The following KLHL3 variants were observed in gnomAD, a reference collection of about 807,000 sequenced individuals.
The protein encoded by KLHL3 is kelch like family member 3, also known as kelch-like protein 3.
Under a neutral mutation model 70.5 loss-of-function variants are expected in KLHL3, and 19 were observed. The ratio of observed to expected loss-of-function variants is 0.27; its 90% CI spans 0.19 to 0.40. The LOEUF (loss-of-function observed/expected upper bound fraction) is 0.40. Among genes scored for constraint, KLHL3 ranks in the 10% least tolerant of loss-of-function variants. The pLI, the probability that KLHL3 is intolerant of heterozygous loss-of-function variation, is 1.00. For missense variants in KLHL3, 512 were observed against 771.1 expected (o/e 0.66, Z 3.98); for synonymous variants, 258 against 290.3 (o/e 0.89, Z 1.13).
chr5:137,704,096 G>A (rs865883181), intron 3 of KLHL3, among the ~76,000 whole-genome samples: 5 of 152,114 alleles, frequency 3.3e-5, no homozygotes, highest in Admixed American at 6.5e-5. Flanking sequence ...AATTCTCCAC[G>A]CACCTATGCA....
chr5:137,652,356 T>C (rs1259793896), intron 8 of KLHL3, among the ~76,000 whole-genome samples: 2 of 152,206 alleles, frequency 1.3e-5, no homozygotes, highest in Non-Finnish European at 2.9e-5. Flanking sequence ...CAGAGAGATA[T>C]CTACTCTTGT....
At chr5:137,644,368 C>A (rs1750990847) in intron 8 of KLHL3, among the ~76,000 whole-genome samples, 1 of 152,172 alleles carries the variant, frequency 6.6e-6, no homozygotes. Flanking sequence ...CTGTGCCCGG[C>A]CTTTTTATAG....
chr5:137,630,486 C>T (rs1030215672), intron 12 of KLHL3, among the ~76,000 whole-genome samples: 6 of 152,166 alleles, frequency 3.9e-5, no homozygotes, highest in African/African-American at 1.4e-4. Flanking sequence ...GCTGCCTCCC[C>T]AGGCTTTCGG....
chr5:137,690,326 CAA>C (rs35864411), intron 5 of KLHL3, among the ~76,000 whole-genome samples: 109,503 of 140,530 alleles, frequency 0.78, 42,205 homozygotes, highest in East Asian at 0.98. Context: ...GACTCCATCT[CAA>C]AAAAAAAAAA....
chr5:137,733,662 C>T (rs959543270), intron 1 of KLHL3, among the ~76,000 whole-genome samples: 1 of 152,124 alleles, frequency 6.6e-6, no homozygotes, highest in Non-Finnish European at 1.5e-5. Context: ...TTTAGAATAA[C>T]CTTGATAGAT....
intron 7 of KLHL3, 26 bp from the exon 8 acceptor site, chr5:137,658,306 C>A: frequency 6.2e-7 from 1 of 1,612,850 alleles, no homozygotes; most frequent in Non-Finnish European, 8.5e-7. Flanking sequence ...CACAGATGAT[C>A]CTGGAGCACA....
At chr5:137,695,563 A>T (rs1752427305) in intron 4 of KLHL3, among the ~76,000 whole-genome samples, 1 of 152,208 alleles carries the variant, frequency 6.6e-6, no homozygotes, top group African/African-American at 2.4e-5. Context: ...GGTCTCAGGG[A>T]TAAATTAGGG....
At chr5:137,638,738 T>A (rs1289669383) in intron 10 of KLHL3, among the ~76,000 whole-genome samples, 1 of 152,134 alleles carries the variant, frequency 6.6e-6, no homozygotes, top group Non-Finnish European at 1.5e-5. Context: ...CTCTTCTGAG[T>A]CCTAGAAAGC....
Position 137,634,131 on chromosome 5 carries a change from A to C in KLHL3, c.1356T>G (p.Ala452=), listed in dbSNP as rs369418721. 7.4e-6 allele frequency: 12 copies of C among 1,613,588 alleles called. No homozygotes were observed. The highest frequency in any genetic ancestry group is 1.0e-5 in the Non-Finnish European group (12 of 1,179,908). ...KLYAVGGYDG[A]SRQCLSTVEQ... is the part of the protein sequence containing the mutation. ...CCACAGTGCTCAGACACTGGCGGGAAGCTCCATCATAACCCCCAACAGCAT... is the reference window on the plus strand; with the variant it reads ...CCACAGTGCTCAGACACTGGCGGGACGCTCCATCATAACCCCCAACAGCAT... Residue 452 remains alanine (A), a synonymous_variant, in exon 12 of 15, where the codon GCT becomes GCG. Coordinates refer to ENST00000309755, the MANE Select transcript of KLHL3 (RefSeq NM_017415.3).
At chr5:137,730,249 C>A (rs559162472) in intron 1 of KLHL3, among the ~76,000 whole-genome samples, 2 of 152,174 alleles carry the variant, frequency 1.3e-5, no homozygotes, top group African/African-American at 4.8e-5. Flanking sequence ...TCCACTGACT[C>A]GGGATAATGT....
Position 137,653,596 on chromosome 5 carries a change from G to C in KLHL3, c.903+4535C>G, listed in dbSNP as rs114074448. ...AGAATGGCTACAATTTTTAAAAATA[G>C]ATAATGTCAAGTAGTAGCAGGACTG... is the stretch of plus-strand genomic sequence containing the variant. On this transcript the variant is annotated intron_variant, in intron 8 of 14. Coordinates refer to ENST00000309755, the MANE Select transcript of KLHL3 (RefSeq NM_017415.3). 7.3e-3 allele frequency among the ~76,000 whole-genome samples: 1,117 copies of C among 152,302 alleles called. 17 individuals carry two copies. The highest frequency in any genetic ancestry group is 0.025 in the African/African-American group (1,058 of 41,562).
intron 5 of KLHL3, among the ~76,000 whole-genome samples, chr5:137,679,700 T>C (rs892196864): frequency 3.3e-5 from 5 of 152,226 alleles, no homozygotes; most frequent in Non-Finnish European, 7.3e-5. Context: ...TCCATCTCTC[T>C]GTCCCTCCCC....
At chr5:137,675,934 T>A (rs1751873833) in intron 6 of KLHL3, among the ~76,000 whole-genome samples, 1 of 152,176 alleles carries the variant, frequency 6.6e-6, no homozygotes. Flanking sequence ...ACATAGCCAA[T>A]CAACTGACTG....
chr5:137,661,688 C>A, intron 7 of KLHL3: 1 of 421,854 alleles, frequency 2.4e-6, no homozygotes, highest in South Asian at 6.0e-5. Flanking sequence ...AATAAAAATC[C>A]AAAACTAATA....
At chr5:137,716,608 A>G (rs764879220) in intron 2 of KLHL3, among the ~76,000 whole-genome samples, 6 of 152,200 alleles carry the variant, frequency 3.9e-5, no homozygotes, top group Non-Finnish European at 7.3e-5. Flanking sequence ...AAACATGCAC[A>G]TGTGCAATTG....
intron 5 of KLHL3, among the ~76,000 whole-genome samples, chr5:137,688,757 T>A (rs746005872): frequency 6.6e-6 from 1 of 152,220 alleles, no homozygotes; most frequent in Non-Finnish European, 1.5e-5. Flanking sequence ...TGTGCCCTGG[T>A]TTCCTCAGCT....
intron 3 of KLHL3, among the ~76,000 whole-genome samples, chr5:137,699,882 CCCA>C (rs894251443): frequency 2.6e-5 from 4 of 152,204 alleles, no homozygotes; most frequent in African/African-American, 4.8e-5. Flanking sequence ...GCTGCAGACA[CCCA>C]CCTCCAAGCT....
chr5:137,735,989 G>T lies in KLHL3; in HGVS notation c.-343C>A, dbSNP rs1325192918. ...GCAGCTCCAGCGACCCAGGTGCACT[G>T]CCACCTTTCCAGCTTCCTCTGCATC... is the stretch of plus-strand genomic sequence containing the variant. On this transcript the variant is annotated 5_prime_UTR_variant, in exon 1 of 15. Transcript: ENST00000309755. The T allele has an allele frequency of 2.4e-6, 1 of 422,578 alleles. No homozygotes were observed. The highest frequency in any genetic ancestry group is 4.5e-6 in the Non-Finnish European group (1 of 224,574). 26.2% of individuals were successfully genotyped at this position (422,578 alleles called of 1,614,324 possible).
chr5:137,647,803 G>T (rs539691629), intron 8 of KLHL3, among the ~76,000 whole-genome samples: 1 of 152,198 alleles, frequency 6.6e-6, no homozygotes, highest in Non-Finnish European at 1.5e-5. Flanking sequence ...CAAGGCCCGG[G>T]GGGAGAGAAG....
Sources: gnomAD v4.1 joint callset for allele counts (sites outside exome capture counted in the v4.1 genomes callset) on GRCh38, gnomAD v4.1.1 for gene constraint, MANE v1.5 for transcripts, NCBI Gene and HGNC (gene_info 2026-07-23, HGNC 2026-07-21) for gene names.